Variants in FAM13C observed in about 807,000 individuals in gnomAD.
The protein encoded by FAM13C is protein FAM13C.
A neutral mutation model predicts 73.2 loss-of-function variants in FAM13C; 37 were observed. The ratio of observed to expected loss-of-function variants is 0.51; its 90% CI spans 0.39 to 0.67. The LOEUF is 0.67. Ranked by LOEUF, FAM13C falls within the 30% of genes least tolerant of loss-of-function variation. FAM13C has a pLI of 0.00. For synonymous variants in FAM13C, 246 were observed against 260.9 expected (o/e 0.94, Z 0.55); for missense variants, 589 against 715.6 (o/e 0.82, Z 2.02).
intron 3 of FAM13C, among the ~76,000 whole-genome samples, chr10:59,324,738 A>G (rs1441259385): frequency 6.6e-6 from 1 of 151,748 alleles, no homozygotes; most frequent in Non-Finnish European, 1.5e-5. Context: ...AGTCCTTGAT[A>G]TCTCTCCCCT....
intron 3 of FAM13C, among the ~76,000 whole-genome samples, chr10:59,346,496 T>A (rs1169450974): frequency 6.6e-6 from 1 of 152,194 alleles, no homozygotes; most frequent in Non-Finnish European, 1.5e-5. Flanking sequence ...GGAAGTGGAT[T>A]AGCAGTATGA....
At chr10:59,352,592 A>C in intron 2 of FAM13C, 118 bp from the exon 3 acceptor site, 15 of 1,094,854 alleles carry the variant, frequency 1.4e-5, no homozygotes, top group Non-Finnish European at 1.8e-5. Context: ...CACCTCGCAA[A>C]ATTTTTAGCC....
At chr10:59,317,279 C>T (rs540356144) in intron 4 of FAM13C, among the ~76,000 whole-genome samples, 2 of 152,044 alleles carry the variant, frequency 1.3e-5, no homozygotes, top group African/African-American at 2.4e-5. Context: ...CCATTCTAGT[C>T]GCCTCAGGCA....
At chr10:59,251,752 C>T in intron 12 of FAM13C, 76 bp from the exon 13 acceptor site, 2 of 1,152,638 alleles carry the variant, frequency 1.7e-6, no homozygotes, top group Non-Finnish European at 2.5e-6. Flanking sequence ...TTTATCTGTT[C>T]AGCCAAAAAA....
intron 10 of FAM13C, among the ~76,000 whole-genome samples, chr10:59,255,996 A>G (rs1009598485): frequency 8.5e-5 from 13 of 152,326 alleles, no homozygotes; most frequent in African/African-American, 2.9e-4. Flanking sequence ...ATTTTTAGCA[A>G]TCTTCTTTTA....
Position 59,254,407 on chromosome 10 carries a change from A to G in FAM13C, c.1273T>C (p.Tyr425His). 6.4e-7 allele frequency: 1 copy of G among 1,562,906 alleles called. No individual in the cohort carries two copies. Among genetic ancestry groups the G allele is most frequent in the Non-Finnish European group, 8.7e-7 (1 of 1,153,812 alleles). ...TGCTTGATAATTCTGTATCGGTCAT[A>G]AAGCGGCTTTATGAGGTTCTTGTCT... ...KQDKNLIKPL[Y>H]DRYRIIKQIL... is the part of the protein sequence containing the mutation. The change falls in exon 11 of 14, where the codon TAT (tyrosine) becomes CAT (histidine). Residue 425 changes from tyrosine (Y) to histidine (H), a missense_variant. Physicochemically the swap from Tyr to His is moderately conservative, Grantham distance 83. Transcript: ENST00000618804.
At chr10:59,291,944 A>ACGC (rs1330098432) in intron 5 of FAM13C, among the ~76,000 whole-genome samples, 1 of 151,542 alleles carries the variant, frequency 6.6e-6, no homozygotes, top group Non-Finnish European at 1.5e-5. Flanking sequence ...GCCCACCATC[A>ACGC]CGCCTGGCGA....
rs1159774665 is a variant in FAM13C at position 59,286,516 on chromosome 10, AATATATATATATAT to A, written c.508-3083_508-3070del. On this transcript the variant is annotated intron_variant, in intron 5 of 13. Transcript: ENST00000618804. ...GGCAACAGAGCAAGACTCCATCTCA[AATATATATATATAT>A]ATATATATATATTCATCATACAGAA... Among the ~76,000 whole-genome samples the A allele has an allele frequency of 9.6e-4, 107 of 110,946 alleles. 3 individuals are homozygous for A. The highest frequency in any genetic ancestry group is 3.4e-3 in the African/African-American group (99 of 29,320). 72.8% of individuals were successfully genotyped at this position (110,946 alleles called of 152,430 possible).
intron 6 of FAM13C, among the ~76,000 whole-genome samples, chr10:59,271,656 A>T (rs1843730476): frequency 6.6e-6 from 1 of 152,224 alleles, no homozygotes; most frequent in African/African-American, 2.4e-5. Context: ...AGCCCTCAGG[A>T]GTAACAGGAA....
chr10:59,264,533 C>T (rs1842831713), intron 8 of FAM13C, among the ~76,000 whole-genome samples: 1 of 152,186 alleles, frequency 6.6e-6, no homozygotes, highest in African/African-American at 2.4e-5. Context: ...ACCCCATTGC[C>T]AGGCCATTTT....
intron 6 of FAM13C, among the ~76,000 whole-genome samples, chr10:59,270,824 T>G (rs1264805841): frequency 6.6e-6 from 1 of 152,194 alleles, no homozygotes; most frequent in East Asian, 1.9e-4. Context: ...TCTCCAAAAC[T>G]TTATGTACGA....
intron 3 of FAM13C, among the ~76,000 whole-genome samples, chr10:59,348,406 C>G (rs12771494): frequency 0.014 from 2,194 of 152,298 alleles, 27 homozygotes; most frequent in Non-Finnish European, 0.022. Context: ...GATCAAAACT[C>G]TTATGAAATA....
At chr10:59,299,038 C>T (rs284595) in intron 5 of FAM13C, among the ~76,000 whole-genome samples, 88,561 of 151,816 alleles carry the variant, frequency 0.58, 27,056 homozygotes, top group Admixed American at 0.69. Context: ...TAAATCAGTT[C>T]TGGTGGTTTA....
At chr10:59,342,408 G>T (rs759267032) in intron 3 of FAM13C, among the ~76,000 whole-genome samples, 1 of 151,768 alleles carries the variant, frequency 6.6e-6, no homozygotes. Context: ...AGTACAACTG[G>T]TTATTTCTAC....
chr10:59,281,584 C>T (rs1844924497), intron 6 of FAM13C, among the ~76,000 whole-genome samples: 1 of 152,182 alleles, frequency 6.6e-6, no homozygotes, highest in African/African-American at 2.4e-5. Context: ...TCTAAAGAGA[C>T]TTCTGCACAT....
At position 59,269,897 on chromosome 10, in the gene FAM13C, A is replaced by ACAT. The variant is rs1564503000; in HGVS notation, c.802_803+1dup. Reference sequence around the variant, plus strand: ...AAGACAATAACAAAACAGTTTTCTCACATCATAAACTGCTGAGTGCTGGGT... The same window carrying ACAT: ...AAGACAATAACAAAACAGTTTTCTCACATCATCATAAACTGCTGAGTGCTGGGT... On this transcript the variant is annotated splice_donor_variant, in intron 7 of 13. Transcript: ENST00000618804. LOFTEE classifies it high-confidence loss of function. The ACAT allele has an allele frequency of 6.2e-7, 1 of 1,613,664 alleles. No individual in the cohort carries two copies. Among genetic ancestry groups the ACAT allele is most frequent in the South Asian group, 1.1e-5 (1 of 91,040 alleles).
intron 3 of FAM13C, among the ~76,000 whole-genome samples, chr10:59,331,576 G>A (rs1851988966): frequency 6.6e-6 from 1 of 152,126 alleles, no homozygotes; most frequent in African/African-American, 2.4e-5. Flanking sequence ...AATATTATAA[G>A]TAAGGCATGT....
At position 59,345,883 on chromosome 10, in the gene FAM13C, C is replaced by G. The variant is rs115778533; in HGVS notation, c.324+6387G>C. ...ACTAAATCATGCATGAGAAATAATA[C>G]AACATGAACTAAGGTGTCAAAACAA... is the stretch of plus-strand genomic sequence containing the variant. On this transcript the variant is annotated intron_variant, in intron 3 of 13. Coordinates refer to ENST00000618804, the MANE Select transcript of FAM13C (RefSeq NM_198215.4). Among the ~76,000 whole-genome samples the G allele has an allele frequency of 5.7e-3, 862 of 152,246 alleles. 8 individuals carry two copies. The highest frequency in any genetic ancestry group is 0.02 in the African/African-American group (824 of 41,548).
At chr10:59,280,070 C>A (rs1390105926) in intron 6 of FAM13C, among the ~76,000 whole-genome samples, 7 of 152,136 alleles carry the variant, frequency 4.6e-5, no homozygotes, top group Non-Finnish European at 8.8e-5. Context: ...CAAACTTCAA[C>A]ATATATTTTA....
Sources: allele counts gnomAD v4.1 joint callset (sites outside exome capture counted in the v4.1 genomes callset), GRCh38; gene constraint gnomAD v4.1.1; transcripts MANE v1.5; gene names NCBI Gene and HGNC (gene_info 2026-07-23, HGNC 2026-07-21).